ZFP3: variants seen among roughly 807,000 people sequenced by gnomAD.
ZFP3 encodes ZFP3 zinc finger protein.
A neutral mutation model predicts 36.7 loss-of-function variants in ZFP3; 18 were observed. That is an observed-to-expected ratio of 0.49 (90% confidence interval 0.34 to 0.73). ZFP3 has a LOEUF of 0.73. Among genes scored for constraint, ZFP3 ranks in the 30% least tolerant of loss-of-function variants. The pLI is 0.01. For synonymous variants in ZFP3, 218 were observed against 199.0 expected (o/e 1.10, Z -0.81); for missense variants, 495 against 599.0 (o/e 0.83, Z 1.81).
At chr17:5,089,932 A>G (rs2072141405) in intron 1 of ZFP3, among the ~76,000 whole-genome samples, 1 of 152,188 alleles carries the variant, frequency 6.6e-6, no homozygotes, top group African/African-American at 2.4e-5. Flanking sequence ...TACTGGAATT[A>G]CAGGTGTGAG....
chr17:5,091,309 G>A (rs540393134), intron 1 of ZFP3, among the ~76,000 whole-genome samples, 188 bp from the exon 2 acceptor site: 11 of 152,134 alleles, frequency 7.2e-5, no homozygotes, highest in Admixed American at 3.9e-4. Flanking sequence ...GTGCAGTGGC[G>A]CATTTCAGCT....
chr17:5,086,563 G>C (rs1050320382), intron 1 of ZFP3, among the ~76,000 whole-genome samples: 1 of 148,648 alleles, frequency 6.7e-6, no homozygotes, highest in East Asian at 2.0e-4. Context: ...AGCACTGTCC[G>C]TCTTGGTCTT....
chr17:5,082,083 C>G (rs1267540445), intron 1 of ZFP3, among the ~76,000 whole-genome samples: 1 of 151,686 alleles, frequency 6.6e-6, no homozygotes, highest in South Asian at 2.1e-4. Flanking sequence ...CACGGTGCCT[C>G]ACGCCTGTAA....
Position 5,092,068 on chromosome 17 carries a change from G to A in ZFP3, c.564G>A (p.Leu188=), listed in dbSNP as rs1252189074. Residue 188 remains leucine (L), a synonymous_variant, in exon 2 of 2, where the codon CTG becomes CTA. Coordinates refer to ENST00000318833, the MANE Select transcript of ZFP3 (RefSeq NM_153018.3). This position sits in a 1 kb window ranked among gnomAD's most constrained non-coding sequence, Gnocchi z 5.0. ...FGTNSSLRRH[L]RIHAGEKPFA... ...CTAATTCAAGCCTTCGACGGCACCT[G>A]AGAATTCATGCTGGAGAAAAACCCT... The A allele has an allele frequency of 6.2e-7, 1 of 1,614,226 alleles. No homozygotes were observed. The highest frequency in any genetic ancestry group is 8.5e-7 in the Non-Finnish European group (1 of 1,180,038).
chr17:5,090,722 G>T lies in ZFP3; in HGVS notation c.-8-775G>T, dbSNP rs1212376419. Among the ~76,000 whole-genome samples the T allele has an allele frequency of 3.3e-5, 5 of 152,002 alleles. No individual in the cohort carries two copies. In the East Asian group the frequency reaches 7.7e-4, roughly 23 times the overall value. On this transcript the variant is annotated intron_variant, in intron 1 of 1. Transcript: ENST00000318833. Reference sequence around the variant, plus strand: ...GTCTGACTCTGTCACCCAGCCTGGAGTGCAGTGGTGCAGTCTCCACTTATT... The same window carrying T: ...GTCTGACTCTGTCACCCAGCCTGGATTGCAGTGGTGCAGTCTCCACTTATT...
chr17:5,086,828 G>T (rs1456229469), intron 1 of ZFP3, among the ~76,000 whole-genome samples: 1 of 150,094 alleles, frequency 6.7e-6, no homozygotes, highest in Admixed American at 6.7e-5. Context: ...CCCGGGTTCA[G>T]GCCATTCTCC....
At chr17:5,080,913 G>C (rs553115229) in intron 1 of ZFP3, among the ~76,000 whole-genome samples, 2 of 152,216 alleles carry the variant, frequency 1.3e-5, no homozygotes, top group Non-Finnish European at 2.9e-5. Context: ...ATGCTCTCCA[G>C]CTTGCTTGTT....
chr17:5,092,436 G>T lies in ZFP3; in HGVS notation c.932G>T (p.Cys311Phe). Residue 311 changes from cysteine to phenylalanine, a missense_variant, in exon 2 of 2, where the codon TGT becomes TTT. Physicochemically the swap from Cys to Phe is radical, Grantham distance 205. Around this residue, in one of 3 missense-constraint regions of ZFP3, gnomAD observed 103 missense variants for 186.8 expected, o/e 0.55. Coordinates refer to ENST00000318833, the MANE Select transcript of ZFP3 (RefSeq NM_153018.3). This position sits in a 1 kb window ranked among gnomAD's most constrained non-coding sequence, Gnocchi z 5.0. ...CATACTGGAGAAAAACCATATCTGT[G>T]TAATGAATGTGGGAAGGGCTTCGGG... ...KIHTGEKPYL[C>F]NECGKGFGQS... The T allele has an allele frequency of 6.2e-7, 1 of 1,614,204 alleles. No homozygotes were observed. Among genetic ancestry groups the T allele is most frequent in the Non-Finnish European group, 8.5e-7 (1 of 1,180,032 alleles).
At chr17:5,085,620 G>A (rs192501374) in intron 1 of ZFP3, among the ~76,000 whole-genome samples, 8 of 151,966 alleles carry the variant, frequency 5.3e-5, no homozygotes, top group Middle Eastern at 3.4e-3. Flanking sequence ...TGCCCACCTC[G>A]GCCTTCCAAA....
chr17:5,081,219 G>A (rs546940134), intron 1 of ZFP3, among the ~76,000 whole-genome samples: 6 of 151,248 alleles, frequency 4.0e-5, no homozygotes, highest in East Asian at 3.9e-4. Context: ...TCAGCCTCCC[G>A]AGTAGCTGGG....
chr17:5,089,377 G>A (rs2072138045), intron 1 of ZFP3, among the ~76,000 whole-genome samples: 1 of 152,170 alleles, frequency 6.6e-6, no homozygotes, highest in Non-Finnish European at 1.5e-5. Context: ...CAAGATGGAA[G>A]AAATGTATCT....
At chr17:5,084,250 G>A (rs2072108761) in intron 1 of ZFP3, among the ~76,000 whole-genome samples, 1 of 139,586 alleles carries the variant, frequency 7.2e-6, no homozygotes, top group African/African-American at 2.6e-5. Flanking sequence ...TTATACATCA[G>A]TACGTTGTGA....
chr17:5,091,367 C>G, intron 1 of ZFP3, 130 bp from the exon 2 acceptor site: 1 of 985,178 alleles, frequency 1.0e-6, no homozygotes, highest in South Asian at 1.8e-5. Flanking sequence ...CCTGCCTCAG[C>G]TGCCCTCCTC....
In ZFP3 at chr17:5,096,074, T is replaced by C. The variant is rs2072180103; in HGVS notation, c.*3061T>C. On this transcript the variant is annotated 3_prime_UTR_variant, in exon 2 of 2. Coordinates refer to ENST00000318833, the MANE Select transcript of ZFP3 (RefSeq NM_153018.3). The stretch of plus-strand genomic sequence containing the variant: ...GTCTTACCCAGATATCTCAGGAAGA[T>C]TTCTCTTTTCCTTCTGTTTGCCTCC... 1 of 167,064 alleles carries C rather than the reference T, an allele frequency of 6.0e-6. No individual in the cohort carries two copies. The allele number at this position is 167,064 out of a possible 1,614,324, so 10.3% of individuals were successfully genotyped here.
intron 1 of ZFP3, among the ~76,000 whole-genome samples, chr17:5,080,117 T>C (rs2072085898): frequency 6.6e-6 from 1 of 152,166 alleles, no homozygotes; most frequent in South Asian, 2.1e-4. Context: ...CCCTTGTTTT[T>C]CTGAGCTTTA....
At chr17:5,085,374 G>GTT (rs1393419406) in intron 1 of ZFP3, among the ~76,000 whole-genome samples, 4 of 139,200 alleles carry the variant, frequency 2.9e-5, no homozygotes, top group African/African-American at 7.9e-5. Flanking sequence ...TTTGAGTTTT[G>GTT]TTTTTTTTTT....
chr17:5,091,835 G>A lies in ZFP3; in HGVS notation c.331G>A (p.Gly111Arg), dbSNP rs2072151645. Residue 111 changes from glycine to arginine, a missense_variant, in exon 2 of 2, where the codon GGA becomes AGA. Gly to Arg is a moderately radical substitution (Grantham distance 125, BLOSUM62 -2). Around this residue, in one of 3 missense-constraint regions of ZFP3, gnomAD observed 229 missense variants for 233.8 expected, o/e 0.98. Transcript: ENST00000318833. ...TACACATCAGGGAGATACAACAGAG[G>A]GAGTTAGTGCATTTGCTACCTCTGG... Reference protein sequence around the residue: ...LVTHQGDTTEGVSAFATSGQN... With the variant: ...LVTHQGDTTERVSAFATSGQN... 1 of 1,614,196 alleles carries A rather than the reference G, an allele frequency of 6.2e-7. No individual in the cohort carries two copies. Among genetic ancestry groups the A allele is most frequent in the Non-Finnish European group, 8.5e-7 (1 of 1,180,042 alleles).
At chr17:5,079,319 C>A (rs2072081493) in intron 1 of ZFP3, among the ~76,000 whole-genome samples, 1 of 151,978 alleles carries the variant, frequency 6.6e-6, no homozygotes, top group Non-Finnish European at 1.5e-5. Flanking sequence ...CACAGGAGTT[C>A]AAGACCAGCC....
At position 5,092,835 on chromosome 17, in the gene ZFP3, T is replaced by C. The variant is rs764676632; in HGVS notation, c.1331T>C (p.Ile444Thr). 3 of 1,613,972 alleles carry C rather than the reference T, an allele frequency of 1.9e-6. No individual in the cohort carries two copies. The highest frequency in any genetic ancestry group is 1.3e-5 in the African/African-American group (1 of 74,896). The part of the protein sequence containing the change: ...SELLLHQKIH[I>T]GEKPYECSEC... ...CTGCTTCTCCACCAGAAAATTCATA[T>C]TGGAGAGAAACCTTATGAATGTAGC... The change falls in exon 2 of 2, where the codon ATT becomes ACT. Residue 444 changes from isoleucine (I) to threonine (T), a missense_variant. Physicochemically the swap from Ile to Thr is moderately conservative, Grantham distance 89 (BLOSUM62 -1). Transcript: ENST00000318833. This position sits in a 1 kb window ranked among gnomAD's most constrained non-coding sequence, Gnocchi z 5.0.
Sources: allele counts gnomAD v4.1 joint callset (sites outside exome capture counted in the v4.1 genomes callset), GRCh38; gene constraint gnomAD v4.1.1; regional missense constraint gnomAD v4.1.1; non-coding constraint Gnocchi (gnomAD v3.1); transcripts MANE v1.5; gene names NCBI Gene and HGNC (gene_info 2026-07-23, HGNC 2026-07-21).